EPB41L4A: variants seen among roughly 807,000 people sequenced by gnomAD.
The protein encoded by EPB41L4A is erythrocyte membrane protein band 4.1 like 4A.
Under a neutral mutation model 108.6 loss-of-function variants are expected in EPB41L4A, and 100 were observed. The observed-to-expected ratio is 0.92, with a 90% CI of 0.78 to 1.09. The LOEUF (loss-of-function observed/expected upper bound fraction) is 1.09. EPB41L4A is among the 50% of genes least tolerant of loss of function. The pLI is 0.00. For synonymous variants in EPB41L4A, 319 were observed against 289.0 expected, an observed-to-expected ratio of 1.10 and a Z score of -1.05; for missense variants, 1,030 against 842.7, an observed-to-expected ratio of 1.22 and a Z score of -2.75.
intron 2 of EPB41L4A, among the ~76,000 whole-genome samples, chr5:112,292,787 C>A (rs1051258834): frequency 6.6e-6 from 1 of 151,948 alleles, no homozygotes; most frequent in Non-Finnish European, 1.5e-5. Context: ...AGCTTTGTGT[C>A]GAAACCCTAA....
intron 17 of EPB41L4A, among the ~76,000 whole-genome samples, chr5:112,187,049 T>C (rs1438217890): frequency 1.3e-5 from 2 of 152,188 alleles, no homozygotes; most frequent in Non-Finnish European, 2.9e-5. Context: ...TTAATCTCGA[T>C]GTATAGATTT....
At chr5:112,199,225 C>T (rs1278473814) in intron 15 of EPB41L4A, among the ~76,000 whole-genome samples, 1 of 152,168 alleles carries the variant, frequency 6.6e-6, no homozygotes, top group African/African-American at 2.4e-5. Flanking sequence ...ATGGAAGATG[C>T]TTTGAAAGCT....
At chr5:112,418,859 C>T in intron 1 of EPB41L4A, 82 bp downstream of exon 1, 1 of 1,111,144 alleles carries the variant, frequency 9.0e-7, no homozygotes. Context: ...GCCCTCGACC[C>T]ACCGGTGACA....
intron 15 of EPB41L4A, among the ~76,000 whole-genome samples, chr5:112,197,833 G>GT (rs1762034802): frequency 6.6e-6 from 1 of 152,154 alleles, no homozygotes; most frequent in Non-Finnish European, 1.5e-5. Context: ...TTGGTAAAGT[G>GT]TATCTTTTAG....
intron 1 of EPB41L4A, among the ~76,000 whole-genome samples, chr5:112,394,218 T>G (rs965921237): frequency 6.6e-6 from 1 of 152,112 alleles, no homozygotes; most frequent in Non-Finnish European, 1.5e-5. Flanking sequence ...CTATTCAACA[T>G]AGTGTTGAAA....
chr5:112,189,623 T>C (rs1365966164), intron 17 of EPB41L4A, among the ~76,000 whole-genome samples: 1 of 152,090 alleles, frequency 6.6e-6, no homozygotes, highest in African/African-American at 2.4e-5. Context: ...GCTGCTCTCG[T>C]TTCTCTGTTT....
At chr5:112,272,614 T>C (rs1478959499) in intron 4 of EPB41L4A, among the ~76,000 whole-genome samples, 2 of 151,556 alleles carry the variant, frequency 1.3e-5, no homozygotes, top group Non-Finnish European at 1.5e-5. Flanking sequence ...ACCCTGAATC[T>C]ACTAAAAATA....
rs1762709791 is a variant in EPB41L4A, at chr5:112,210,953, T to C, written c.1088-971A>G. Among the ~76,000 whole-genome samples, 5 of 151,760 alleles carry C rather than the reference T, an allele frequency of 3.3e-5. No individual in the cohort carries two copies. In the South Asian group the frequency reaches 1.0e-3, roughly 32 times the overall value. On this transcript the variant is annotated intron_variant, in intron 12 of 22. Transcript: ENST00000261486. ...CATAACGGTCACTAACCACCGAGAA[T>C]GTCATGAAGATGAGTTTGTAACATT...
At chr5:112,389,342 C>A (rs1294192650) in intron 1 of EPB41L4A, among the ~76,000 whole-genome samples, 1 of 152,202 alleles carries the variant, frequency 6.6e-6, no homozygotes, top group Non-Finnish European at 1.5e-5. Flanking sequence ...TAAGCTCCTA[C>A]ACTAGGCCCC....
chr5:112,390,338 C>T (rs539877457), intron 1 of EPB41L4A, among the ~76,000 whole-genome samples: 58 of 152,304 alleles, frequency 3.8e-4, no homozygotes, highest in African/African-American at 1.4e-3. Context: ...AGGACACTGC[C>T]ACCCAAATAC....
chr5:112,155,411 A>C (rs1375823725), intron 12 of EPB41L4A, among the ~76,000 whole-genome samples: 1 of 152,166 alleles, frequency 6.6e-6, no homozygotes, highest in Non-Finnish European at 1.5e-5. Flanking sequence ...GATACATCAC[A>C]AACACAATTA....
At chr5:112,270,952 A>C (rs1375519825) in intron 4 of EPB41L4A, among the ~76,000 whole-genome samples, 1 of 152,234 alleles carries the variant, frequency 6.6e-6, no homozygotes, top group Non-Finnish European at 1.5e-5. Flanking sequence ...CTACTTGTAG[A>C]AAGAGTTTTA....
At chr5:112,188,701 A>C (rs1761543188) in intron 17 of EPB41L4A, among the ~76,000 whole-genome samples, 2 of 152,120 alleles carry the variant, frequency 1.3e-5, no homozygotes, top group Admixed American at 1.3e-4. Flanking sequence ...CCGTACCCAA[A>C]ATTTTTACCT....
chr5:112,410,688 AGG>A (rs1407008849), intron 1 of EPB41L4A, among the ~76,000 whole-genome samples: 1 of 152,068 alleles, frequency 6.6e-6, no homozygotes, highest in Non-Finnish European at 1.5e-5. Flanking sequence ...ACCCAGCTTC[AGG>A]AAAGACCCTT....
intron 4 of EPB41L4A, among the ~76,000 whole-genome samples, chr5:112,271,033 T>G (rs1752230146): frequency 6.6e-6 from 1 of 152,114 alleles, no homozygotes; most frequent in South Asian, 2.1e-4. Context: ...ACTGACAGAT[T>G]CTCTCTTCGG....
At chr5:112,165,797 G>A (rs17266303) in intron 22 of EPB41L4A, among the ~76,000 whole-genome samples, 1,993 of 152,224 alleles carry the variant, frequency 0.013, 24 homozygotes, top group Middle Eastern at 0.037. Flanking sequence ...GGGCTATACC[G>A]TCCCAATCTA....
At chr5:112,405,941 A>G (rs964630600) in intron 1 of EPB41L4A, among the ~76,000 whole-genome samples, 4 of 152,232 alleles carry the variant, frequency 2.6e-5, no homozygotes, top group African/African-American at 7.2e-5. Context: ...TAGGTACACA[A>G]TAAGCTCTGA....
chr5:112,416,737 C>A (rs1410233195), intron 1 of EPB41L4A, among the ~76,000 whole-genome samples: 2 of 152,066 alleles, frequency 1.3e-5, no homozygotes, highest in Non-Finnish European at 2.9e-5. Context: ...TACCTATGCA[C>A]CATAATACAG....
At chr5:112,337,317 A>G in intron 1 of EPB41L4A, among the ~76,000 whole-genome samples, 1 of 152,204 alleles carries the variant, frequency 6.6e-6, no homozygotes, top group South Asian at 2.1e-4. Context: ...GTCTAACACA[A>G]TCTACTATAA....
Sources: gnomAD v4.1 joint callset for allele counts (sites outside exome capture counted in the v4.1 genomes callset) on GRCh38, gnomAD v4.1.1 for gene constraint, MANE v1.5 for transcripts, NCBI Gene and HGNC (gene_info 2026-07-23, HGNC 2026-07-21) for gene names.